Variants in BACE1 observed in about 807,000 individuals in gnomAD.
BACE1 encodes the protein APP beta-secretase.
BACE1 carries 21 observed loss-of-function variants against 54.0 expected under a neutral mutation model. The observed-to-expected ratio is 0.39, with a 90% CI of 0.28 to 0.56. BACE1 has a LOEUF of 0.56. Ranked by LOEUF, BACE1 falls within the 20% of genes least tolerant of loss-of-function variation. BACE1 has a pLI of 0.63. For synonymous variants in BACE1, 232 were observed against 260.9 expected (o/e 0.89, Z 1.07); for missense variants, 511 against 661.2 (o/e 0.77, Z 2.49).
Position 117,288,858 on chromosome 11 carries a change from C to T in BACE1, c.*708G>A, listed in dbSNP as rs915985603. On this transcript the variant is annotated 3_prime_UTR_variant, in exon 9 of 9. Coordinates refer to ENST00000313005, the MANE Select transcript of BACE1 (RefSeq NM_012104.6). ...AAACATTGAAAACAACACCCATCTTCTGAGATGGGATGCTATCTTGGAGAT... is the reference window on the plus strand; with the variant it reads ...AAACATTGAAAACAACACCCATCTTTTGAGATGGGATGCTATCTTGGAGAT... 2.6e-5 allele frequency: 4 copies of T among 152,250 alleles called. No homozygotes were observed. The highest frequency in any genetic ancestry group is 9.7e-5 in the African/African-American group (4 of 41,446). 9.4% of individuals were successfully genotyped at this position (152,250 alleles called of 1,614,324 possible).
At chr11:117,299,778 G>T (rs2034681664) in intron 1 of BACE1, 1 of 287,340 alleles carries the variant, frequency 3.5e-6, no homozygotes, top group South Asian at 2.7e-5. Context: ...GATTAAGAAG[G>T]CTTCTTCACC....
chr11:117,290,442 A>C (rs1591852070), intron 8 of BACE1, 46 bp downstream of exon 8: 1 of 1,595,484 alleles, frequency 6.3e-7, no homozygotes, highest in East Asian at 2.2e-5. Context: ...TTGACAAGGA[A>C]AATATGGAGA....
At chr11:117,295,451 C>T in intron 2 of BACE1, 104 bp from the exon 3 acceptor site, 1 of 1,541,700 alleles carries the variant, frequency 6.5e-7, no homozygotes, top group African/African-American at 1.4e-5. Context: ...TCAGGGGAAT[C>T]CTAGAGTCTG....
At chr11:117,296,087 A>C (rs1229195154) in intron 2 of BACE1, among the ~76,000 whole-genome samples, 1 of 152,186 alleles carries the variant, frequency 6.6e-6, no homozygotes, top group Non-Finnish European at 1.5e-5. Flanking sequence ...GCTGCCTACA[A>C]GTCCAAGGAT....
At chr11:117,312,989 C>G (rs2034985883) in intron 1 of BACE1, among the ~76,000 whole-genome samples, 1 of 152,230 alleles carries the variant, frequency 6.6e-6, no homozygotes, top group African/African-American at 2.4e-5. Flanking sequence ...CTTCTTGTCT[C>G]TTTGTGGATC....
chr11:117,296,979 G>A lies in BACE1; in HGVS notation c.262-18C>T. 6.2e-7 allele frequency: 1 copy of A among 1,601,206 alleles called. No homozygotes were observed. The highest frequency in any genetic ancestry group is 1.1e-5 in the South Asian group (1 of 90,722). On this transcript the variant is annotated intron_variant, in intron 1 of 8. Coordinates refer to ENST00000313005, the MANE Select transcript of BACE1 (RefSeq NM_012104.6). The stretch of plus-strand genomic sequence containing the variant: ...ATGTTGAGCTGTCAGAGAAAGGGGA[G>A]AGAAAAGACAGTATAGACAGGAGGC...
Position 117,315,426 on chromosome 11 carries a change from C to G in BACE1, c.261+109G>C. The G allele has an allele frequency of 7.0e-7, 1 of 1,423,464 alleles. No homozygotes were observed. The highest frequency in any genetic ancestry group is 9.3e-7 in the Non-Finnish European group (1 of 1,074,140). The allele number at this position is 1,423,464 out of a possible 1,614,324, so 88.2% of individuals were successfully genotyped here. A position where few individuals can be genotyped will look rare whatever the true frequency, so the allele number is the denominator to read the frequency against. ...GGGAATGGCTGGGGAGGGGTCCCTC[C>G]TGCTGTCCCCACCAGCCCATTTGAG... is the stretch of plus-strand genomic sequence containing the variant. On this transcript the variant is annotated intron_variant, in intron 1 of 8. Transcript: ENST00000313005. The surrounding 1 kb of genome is among the most constrained non-coding windows in gnomAD (Gnocchi z 5.5).
At chr11:117,305,084 G>A (rs927938883) in intron 1 of BACE1, among the ~76,000 whole-genome samples, 6 of 151,090 alleles carry the variant, frequency 4.0e-5, no homozygotes, top group Non-Finnish European at 5.9e-5. Context: ...CCGCCACTAC[G>A]CCCAGCTAAT....
At chr11:117,311,692 G>T (rs1368370156) in intron 1 of BACE1, among the ~76,000 whole-genome samples, 1 of 152,148 alleles carries the variant, frequency 6.6e-6, no homozygotes, top group Admixed American at 6.5e-5. Flanking sequence ...CCAGGCTGGA[G>T]TGCAGTGGCG....
At position 117,289,818 on chromosome 11, in the gene BACE1, G is replaced by A. The variant is rs775376608; in HGVS notation, c.1265-11C>T. On this transcript the variant is annotated splice_polypyrimidine_tract_variant and intron_variant, in intron 8 of 8. Transcript: ENST00000313005. ...TGAACTCATCGTGCACTGGGGAGAG[G>A]GCAAATGTGAATGGACAGCTCTCAT... The A allele has an allele frequency of 2.1e-5, 33 of 1,608,924 alleles. No homozygotes were observed. The highest frequency in any genetic ancestry group is 2.6e-5 in the Non-Finnish European group (31 of 1,175,626).
At chr11:117,300,158 G>C (rs1051338828) in intron 1 of BACE1, among the ~76,000 whole-genome samples, 2 of 151,884 alleles carry the variant, frequency 1.3e-5, no homozygotes, top group Admixed American at 1.3e-4. Context: ...CACCCCAAAG[G>C]GGGCCAGGCC....
chr11:117,305,727 C>CT (rs376828112), intron 1 of BACE1, among the ~76,000 whole-genome samples: 148 of 150,724 alleles, frequency 9.8e-4, no homozygotes, highest in Middle Eastern at 6.8e-3. Flanking sequence ...AATTTTCAAA[C>CT]TTTTTTTTTT....
intron 1 of BACE1, among the ~76,000 whole-genome samples, chr11:117,310,563 A>G (rs1565367140): frequency 6.6e-6 from 1 of 151,812 alleles, no homozygotes. Context: ...TGGGATTACA[A>G]GCGCCTGCCA....
intron 1 of BACE1, among the ~76,000 whole-genome samples, chr11:117,313,513 C>A (rs183483822): frequency 6.6e-6 from 1 of 152,342 alleles, no homozygotes; most frequent in East Asian, 1.9e-4. Context: ...TGTCTCACTG[C>A]AACCTCCGCC....
Position 117,289,428 on chromosome 11 carries a change from AAGGCAG to A in BACE1, c.*132_*137del, listed in dbSNP as rs2034349716. 1.4e-6 allele frequency: 2 copies of A among 1,406,150 alleles called. No individual in the cohort carries two copies. Among genetic ancestry groups the A allele is most frequent in the African/African-American group, 2.9e-5 (2 of 69,128 alleles). The allele number at this position is 1,406,150 out of a possible 1,614,324, so 87.1% of individuals were successfully genotyped here. ...CTTGCCAGCCTTTTCCTTCTCCATC[AAGGCAG>A]AGGCATTTGGTGGGTGGGGAGGGTC... On this transcript the variant is annotated 3_prime_UTR_variant, in exon 9 of 9. Coordinates refer to ENST00000313005, the MANE Select transcript of BACE1 (RefSeq NM_012104.6).
Position 117,291,811 on chromosome 11 carries a change from G to A in BACE1, c.843C>T (p.Tyr281=), listed in dbSNP as rs2034446979. 2.5e-6 allele frequency: 4 copies of A among 1,605,478 alleles called. No homozygotes were observed. Among genetic ancestry groups the A allele is most frequent in the Non-Finnish European group, 3.4e-6 (4 of 1,172,510 alleles). Residue 281 remains tyrosine, a splice_region_variant and synonymous_variant, in exon 6 of 9, where the codon TAC becomes TAT. Coordinates refer to ENST00000313005, the MANE Select transcript of BACE1 (RefSeq NM_012104.6). ...TGTCCACAATGCTCTTGTCATAGTT[G>A]TACTAAGAGGGAAAAGAGAGAGTTA... ...GQDLKMDCKE[Y]NYDKSIVDSG...
At chr11:117,295,728 T>C in intron 2 of BACE1, 1 of 1,139,516 alleles carries the variant, frequency 8.8e-7, no homozygotes, top group Non-Finnish European at 1.2e-6. Flanking sequence ...AACCATTGAC[T>C]CTCTTACTGC....
chr11:117,291,034 C>G lies in BACE1; in HGVS notation c.958G>C (p.Asp320His), dbSNP rs755457964. The G allele has an allele frequency of 6.2e-7, 1 of 1,614,140 alleles. No individual in the cohort carries two copies. Among genetic ancestry groups the G allele is most frequent in the South Asian group, 1.1e-5 (1 of 91,086 alleles). ...KAASSTEKFP[D>H]GFWLGEQLVC... ...AGCTGCTCTCCTAGCCAGAAACCAT[C>G]AGGGAACTTCTCCGTCTGTGTTGGC... Residue 320 changes from aspartate to histidine, a missense_variant, in exon 7 of 9, where the codon GAT (aspartate) becomes CAT (histidine). Coordinates refer to ENST00000313005, the MANE Select transcript of BACE1 (RefSeq NM_012104.6).
chr11:117,295,184 T>G lies in BACE1; in HGVS notation c.514A>C (p.Asn172His), dbSNP rs373228705. ...AGGATGCCTTCCCAGTTGGAGCCGTTGATGAAGAACTTGTCTGATTCAGTG... is the reference window on the plus strand; with the variant it reads ...AGGATGCCTTCCCAGTTGGAGCCGTGGATGAAGAACTTGTCTGATTCAGTG... ...AITESDKFFINGSNWEGILGL... is the reference protein window; with the variant it reads ...AITESDKFFIHGSNWEGILGL... The change falls in exon 3 of 9, where the codon AAC (asparagine) becomes CAC (histidine). Residue 172 changes from asparagine (N) to histidine (H), a missense_variant. By Grantham distance (68) the Asn-to-His change is moderately conservative. Transcript: ENST00000313005. 2 of 1,614,002 alleles carry G rather than the reference T, an allele frequency of 1.2e-6. No individual in the cohort carries two copies. The highest frequency in any genetic ancestry group is 2.7e-5 in the African/African-American group (2 of 74,898).
Sources: allele counts gnomAD v4.1 joint callset (sites outside exome capture counted in the v4.1 genomes callset), GRCh38; gene constraint gnomAD v4.1.1; non-coding constraint Gnocchi (gnomAD v3.1); transcripts MANE v1.5; gene names NCBI Gene and HGNC (gene_info 2026-07-23, HGNC 2026-07-21).